DLEU7: variants seen among roughly 807,000 people sequenced by gnomAD.
DLEU7 encodes leukemia-associated protein 7.
In DLEU7, 17 loss-of-function variants were observed where a neutral mutation model predicts 16.0. The observed-to-expected ratio is 1.06, with a 90% CI of 0.73 to 1.59. The LOEUF (loss-of-function observed/expected upper bound fraction) is 1.59. Among genes scored for constraint, DLEU7 ranks in the 40% most tolerant of loss-of-function variants. The pLI, the probability that DLEU7 is intolerant of heterozygous loss-of-function variation, is 0.00. For synonymous variants in DLEU7, 113 were observed against 139.8 expected, an observed-to-expected ratio of 0.81 and a Z score of 1.35; for missense variants, 308 against 314.9, an observed-to-expected ratio of 0.98 and a Z score of 0.17.
chr13:50,842,904 T>A (rs576700190), intron 1 of DLEU7, among the ~76,000 whole-genome samples: 3 of 152,134 alleles, frequency 2.0e-5, no homozygotes, highest in African/African-American at 7.2e-5. Flanking sequence ...GGAAGCTGAT[T>A]TATGTGAGAG....
At chr13:50,796,495 C>T (rs1876112899) in intron 1 of DLEU7, among the ~76,000 whole-genome samples, 5 of 152,142 alleles carry the variant, frequency 3.3e-5, no homozygotes. Context: ...ACCAGAATGG[C>T]ATGCAATTTA....
chr13:50,799,994 T>G (rs1275956403), intron 1 of DLEU7, among the ~76,000 whole-genome samples: 1 of 152,166 alleles, frequency 6.6e-6, no homozygotes, highest in Non-Finnish European at 1.5e-5. Context: ...GAGAAGGGAA[T>G]GATTAATTTT....
At chr13:50,781,044 C>T (rs1277332540) in intron 1 of DLEU7, among the ~76,000 whole-genome samples, 1 of 152,164 alleles carries the variant, frequency 6.6e-6, no homozygotes, top group Non-Finnish European at 1.5e-5. Context: ...GATTTTCTGC[C>T]TGCATTTTCT....
chr13:50,813,543 G>C (rs1465194601), intron 1 of DLEU7, among the ~76,000 whole-genome samples: 1 of 151,880 alleles, frequency 6.6e-6, no homozygotes, highest in East Asian at 1.9e-4. Context: ...TTCCATAAAA[G>C]CATTATTATC....
At chr13:50,781,590 A>C (rs1420547479) in intron 1 of DLEU7, among the ~76,000 whole-genome samples, 2 of 152,130 alleles carry the variant, frequency 1.3e-5, no homozygotes, top group Non-Finnish European at 2.9e-5. Context: ...TTCCTAAAAC[A>C]CACATTTGAT....
intron 1 of DLEU7, among the ~76,000 whole-genome samples, chr13:50,753,258 G>C (rs584042): frequency 1.3e-5 from 2 of 152,086 alleles, no homozygotes; most frequent in Non-Finnish European, 2.9e-5. Flanking sequence ...AGTGGATCCC[G>C]CACCAGGGCT....
intron 1 of DLEU7, among the ~76,000 whole-genome samples, chr13:50,756,443 C>G (rs1350486397): frequency 6.6e-6 from 1 of 152,134 alleles, no homozygotes; most frequent in Non-Finnish European, 1.5e-5. Flanking sequence ...AGTTGTGTAC[C>G]TAGAAAGATT....
In DLEU7 at chr13:50,808,881, A is replaced by G. The variant is rs1236909784; in HGVS notation, c.459+34307T>C. ...GAATTCTTTATTTCAGAAGGAAAAA[A>G]AAAAACTTAGAAAGGTCAGTTGGAA... is the stretch of plus-strand genomic sequence containing the variant. On this transcript the variant is annotated intron_variant, in intron 1 of 1. Transcript: ENST00000400393. Among the ~76,000 whole-genome samples the G allele has an allele frequency of 3.3e-5, 5 of 152,174 alleles. No homozygotes were observed. The East Asian group carries it at 9.6e-4, about 29-fold the overall frequency.
chr13:50,770,733 CTT>C (rs1813620135), intron 1 of DLEU7, among the ~76,000 whole-genome samples: 2 of 152,074 alleles, frequency 1.3e-5, no homozygotes, highest in African/African-American at 2.4e-5. Flanking sequence ...CTAAAATTCT[CTT>C]TTTTTGTTGT....
intron 1 of DLEU7, among the ~76,000 whole-genome samples, chr13:50,789,178 T>A (rs979112757): frequency 2.6e-5 from 4 of 151,506 alleles, no homozygotes; most frequent in African/African-American, 9.7e-5. Context: ...GTGGACAGCA[T>A]ACGTGCAGGT....
intron 1 of DLEU7, among the ~76,000 whole-genome samples, chr13:50,748,901 T>C (rs1251494214): frequency 6.6e-6 from 1 of 152,194 alleles, no homozygotes; most frequent in African/African-American, 2.4e-5. Flanking sequence ...ATGCTTTTTT[T>C]TCCCCATAGG....
intron 1 of DLEU7, among the ~76,000 whole-genome samples, chr13:50,767,818 G>A (rs571315985): frequency 9.9e-5 from 15 of 152,178 alleles, no homozygotes; most frequent in Admixed American, 3.9e-4. Context: ...CTTGAATAGC[G>A]GGAAAGGGAG....
Position 50,843,560 on chromosome 13 carries a change from G to T in DLEU7, c.87C>A (p.Gly29=), listed in dbSNP as rs1022619362. 2.7e-6 allele frequency: 4 copies of T among 1,487,028 alleles called. No individual in the cohort carries two copies. The African/African-American group carries it at 5.9e-5, about 22-fold the overall frequency. 92.1% of individuals were successfully genotyped at this position (1,487,028 alleles called of 1,614,324 possible). A position where few individuals can be genotyped will look rare whatever the true frequency, so the allele number is the denominator to read the frequency against. Residue 29 remains glycine (G), a synonymous_variant, in exon 1 of 2, where the codon GGC becomes GGA. Coordinates refer to ENST00000504404, the MANE Select transcript of DLEU7 (RefSeq NM_001306135.2). This position sits in a 1 kb window ranked among gnomAD's most constrained non-coding sequence, Gnocchi z 5.7. ...QTLQLLQQEW[G]WGDGPVAPGN... is the part of the protein sequence containing the mutation. ...CGGGGGCGACTGGACCGTCCCCCCA[G>T]CCCCACTCCTGCTGCAGCAGCTGCA...
intron 1 of DLEU7, among the ~76,000 whole-genome samples, chr13:50,718,499 T>A (rs1873501497): frequency 6.6e-6 from 1 of 152,146 alleles, no homozygotes; most frequent in South Asian, 2.1e-4. Context: ...TACTAACTAG[T>A]GAGGTACCAA....
At chr13:50,817,560 C>T (rs908098425) in intron 1 of DLEU7, among the ~76,000 whole-genome samples, 48 of 152,078 alleles carry the variant, frequency 3.2e-4, no homozygotes, top group African/African-American at 1.1e-3. Flanking sequence ...TTGAAACTCA[C>T]GGATCTACAA....
intron 1 of DLEU7, among the ~76,000 whole-genome samples, chr13:50,805,636 CA>C (rs1245912812): frequency 6.6e-6 from 1 of 151,714 alleles, no homozygotes; most frequent in Admixed American, 6.6e-5. Context: ...TTCCGTCTTC[CA>C]CATGTCTAGC....
At chr13:50,713,106 A>G (rs1418686402) in exon 2 of DLEU7, 2 of 1,289,078 alleles carry the variant, frequency 1.6e-6, no homozygotes, top group Non-Finnish European at 2.2e-6. Flanking sequence ...ACAACGTGGT[A>G]ATAAGAAGTG....
chr13:50,843,137 G>A lies in DLEU7; in HGVS notation c.459+51C>T. On this transcript the variant is annotated intron_variant, in intron 1 of 1. Coordinates refer to ENST00000504404, the MANE Select transcript of DLEU7 (RefSeq NM_001306135.2). The surrounding 1 kb of genome is among the most constrained non-coding windows in gnomAD (Gnocchi z 5.7). The stretch of plus-strand genomic sequence containing the variant: ...CCATCCCAGCAGCCCCACCCTTGGA[G>A]GATGGGAGGTTACCCTGCACGCCAG... The A allele has an allele frequency of 6.6e-7, 1 of 1,526,318 alleles. No homozygotes were observed. Among genetic ancestry groups the A allele is most frequent in the Non-Finnish European group, 8.8e-7 (1 of 1,134,152 alleles). The allele number at this position is 1,526,318 out of a possible 1,614,324, so 94.5% of individuals were successfully genotyped here. A position where few individuals can be genotyped will look rare whatever the true frequency, so the allele number is the denominator to read the frequency against.
At chr13:50,824,639 C>T (rs116038989) in intron 1 of DLEU7, among the ~76,000 whole-genome samples, 2,032 of 152,206 alleles carry the variant, frequency 0.013, 46 homozygotes, top group African/African-American at 0.047. Context: ...AATAGAGGAC[C>T]TGTATCACAC....
Sources: gnomAD v4.1 joint callset for allele counts (sites outside exome capture counted in the v4.1 genomes callset) on GRCh38, gnomAD v4.1.1 for gene constraint, Gnocchi (gnomAD v3.1) non-coding constraint, MANE v1.5 for transcripts, NCBI Gene and HGNC (gene_info 2026-07-23, HGNC 2026-07-21) for gene names.